ELL2: variants seen among roughly 807,000 people sequenced by gnomAD.
The protein encoded by ELL2 is RNA polymerase II elongation factor ELL2.
In ELL2, 21 loss-of-function variants were observed where a neutral mutation model predicts 72.8. The ratio of observed to expected loss-of-function variants is 0.29; its 90% CI spans 0.20 to 0.42. The LOEUF is 0.42. ELL2 is among the 10% of genes least tolerant of loss of function. ELL2 has a pLI of 1.00. For synonymous variants in ELL2, 266 were observed against 283.2 expected (o/e 0.94, Z 0.61); for missense variants, 568 against 772.8 (o/e 0.73, Z 3.14).
intron 8 of ELL2, among the ~76,000 whole-genome samples, chr5:95,896,097 G>A (rs1313444323): frequency 1.3e-5 from 2 of 152,238 alleles, no homozygotes; most frequent in Non-Finnish European, 2.9e-5. Context: ...CAAGGCGGAT[G>A]AGACAATAGA....
At chr5:95,925,102 C>A (rs879369125) in intron 2 of ELL2, among the ~76,000 whole-genome samples, 1 of 152,160 alleles carries the variant, frequency 6.6e-6, no homozygotes, top group African/African-American at 2.4e-5. Context: ...AAAAATAGAA[C>A]CAGCAAGGGT....
At chr5:95,921,181 T>C (rs1377695176) in intron 2 of ELL2, among the ~76,000 whole-genome samples, 1 of 152,168 alleles carries the variant, frequency 6.6e-6, no homozygotes, top group African/African-American at 2.4e-5. Flanking sequence ...ATCTGGCACA[T>C]AGTAGACATA....
chr5:95,919,978 C>T (rs762886812), intron 2 of ELL2, among the ~76,000 whole-genome samples: 12 of 152,098 alleles, frequency 7.9e-5, no homozygotes, highest in Non-Finnish European at 1.5e-4. Flanking sequence ...GATAAGAGTC[C>T]ATATCCGAAT....
Position 95,927,407 on chromosome 5 carries a change from A to ACG in ELL2, c.196-7864_196-7863dup, listed in dbSNP as rs773481623. Among the ~76,000 whole-genome samples the ACG allele has an allele frequency of 1.6e-4, 8 of 51,346 alleles. 1 individual carries two copies. The highest frequency in any genetic ancestry group is 2.1e-4 in the Non-Finnish European group (6 of 28,094). The allele number at this position is 51,346 out of a possible 152,430, so 33.7% of individuals were successfully genotyped here. ...CGTGTGTATATATAGACATACACAC[A>ACG]CGTGTGTATATAGACATACACACAC... On this transcript the variant is annotated intron_variant, in intron 2 of 11. Transcript: ENST00000237853.
chr5:95,926,020 A>G (rs555427865), intron 2 of ELL2, among the ~76,000 whole-genome samples: 12 of 152,228 alleles, frequency 7.9e-5, no homozygotes, highest in Non-Finnish European at 1.5e-4. Flanking sequence ...CTAGAGAAAT[A>G]TATTTGCATG....
intron 5 of ELL2, among the ~76,000 whole-genome samples, chr5:95,905,989 A>G (rs1388564690): frequency 6.6e-6 from 1 of 152,214 alleles, no homozygotes; most frequent in Non-Finnish European, 1.5e-5. Flanking sequence ...GTATGGGATC[A>G]CTGCTAATAC....
At chr5:95,952,662 C>G (rs1561516331) in intron 1 of ELL2, among the ~76,000 whole-genome samples, 1 of 152,154 alleles carries the variant, frequency 6.6e-6, no homozygotes, top group South Asian at 2.1e-4. Flanking sequence ...GGGTATAAAA[C>G]ACAGTTTGGA....
At chr5:95,927,965 A>T (rs1482700759) in intron 2 of ELL2, among the ~76,000 whole-genome samples, 1 of 151,504 alleles carries the variant, frequency 6.6e-6, no homozygotes, top group Non-Finnish European at 1.5e-5. Flanking sequence ...TCAGCTAAAA[A>T]GGGGCTTCAA....
chr5:95,950,513 GAAT>G (rs1751333509), intron 1 of ELL2, among the ~76,000 whole-genome samples: 1 of 152,110 alleles, frequency 6.6e-6, no homozygotes, highest in African/African-American at 2.4e-5. Context: ...AATATGCTTA[GAAT>G]AATACATGAT....
intron 6 of ELL2, 27 bp from the exon 7 acceptor site, chr5:95,900,807 TAAG>T: frequency 1.3e-6 from 2 of 1,580,552 alleles, no homozygotes; most frequent in Non-Finnish European, 1.7e-6. Context: ...TGTTATGTGT[TAAG>T]GAGATGATTT....
At chr5:95,949,872 C>T (rs1751310247) in intron 1 of ELL2, among the ~76,000 whole-genome samples, 1 of 152,152 alleles carries the variant, frequency 6.6e-6, no homozygotes, top group Non-Finnish European at 1.5e-5. Flanking sequence ...CAGGCACTAT[C>T]CATTTTTACT....
At chr5:95,925,198 T>C (rs1421776206) in intron 2 of ELL2, among the ~76,000 whole-genome samples, 1 of 152,242 alleles carries the variant, frequency 6.6e-6, no homozygotes, top group Non-Finnish European at 1.5e-5. Flanking sequence ...AGACACCTTT[T>C]CTGATAAGGT....
intron 2 of ELL2, among the ~76,000 whole-genome samples, chr5:95,932,309 A>C (rs573858592): frequency 6.6e-6 from 1 of 152,328 alleles, no homozygotes; most frequent in Admixed American, 6.5e-5. Flanking sequence ...AGGGCCTGTC[A>C]AGTTTCTTAG....
chr5:95,944,791 C>G (rs73771820), intron 1 of ELL2, among the ~76,000 whole-genome samples: 25 of 152,312 alleles, frequency 1.6e-4, no homozygotes, highest in African/African-American at 5.5e-4. Context: ...ATTACACTTC[C>G]CTCATTACAC....
rs764149727 is a variant in ELL2, at chr5:95,913,965, A to G, written c.318-31T>C. 11 of 1,551,902 alleles carry G rather than the reference A, an allele frequency of 7.1e-6. No individual in the cohort carries two copies. The South Asian group carries it at 1.1e-4, about 16-fold the overall frequency. Reference sequence around the variant, plus strand: ...AAGTAAGTCAGTGGCTTTGTTAGACATGACCTTCATTTTGTACAATAAAGG... The same window carrying G: ...AAGTAAGTCAGTGGCTTTGTTAGACGTGACCTTCATTTTGTACAATAAAGG... On this transcript the variant is annotated intron_variant, in intron 3 of 11. Transcript: ENST00000237853.
At chr5:95,898,149 A>G (rs1748946241) in intron 8 of ELL2, 91 bp downstream of exon 8, 1 of 1,131,906 alleles carries the variant, frequency 8.8e-7, no homozygotes, top group African/African-American at 1.6e-5. Flanking sequence ...ATTAAATGAA[A>G]CGTCATTTGC....
intron 2 of ELL2, among the ~76,000 whole-genome samples, chr5:95,930,736 G>A (rs1405939132): frequency 1.3e-5 from 2 of 152,210 alleles, no homozygotes; most frequent in Non-Finnish European, 2.9e-5. Flanking sequence ...AGCCACTGTG[G>A]TAAGTCCTCC....
At chr5:95,919,328 T>C in intron 3 of ELL2, 96 bp downstream of exon 3, 1 of 1,407,884 alleles carries the variant, frequency 7.1e-7, no homozygotes, top group East Asian at 2.6e-5. Context: ...TTAATACACG[T>C]TTATGGATGA....
intron 2 of ELL2, among the ~76,000 whole-genome samples, chr5:95,938,727 T>C (rs1369435755): frequency 6.6e-6 from 1 of 152,054 alleles, no homozygotes; most frequent in Admixed American, 6.5e-5. Flanking sequence ...AAAAAATAAT[T>C]ATTATTTTAT....
Sources: allele counts gnomAD v4.1 joint callset (sites outside exome capture counted in the v4.1 genomes callset), GRCh38; gene constraint gnomAD v4.1.1; transcripts MANE v1.5; gene names NCBI Gene and HGNC (gene_info 2026-07-23, HGNC 2026-07-21).